ERC2: variants seen among roughly 807,000 people sequenced by gnomAD.
ERC2 encodes ELKS/RAB6-interacting/CAST family member 2.
A neutral mutation model predicts 114.8 loss-of-function variants in ERC2; 42 were observed. The ratio of observed to expected loss-of-function variants is 0.37; its 90% CI spans 0.29 to 0.47. The LOEUF (loss-of-function observed/expected upper bound fraction) is 0.47. ERC2 is among the 20% of genes least tolerant of loss of function. The pLI, the probability that ERC2 is intolerant of heterozygous loss-of-function variation, is 0.99. For missense variants in ERC2, 939 were observed against 1,150.7 expected (o/e 0.82, Z 2.66); for synonymous variants, 454 against 425.5 (o/e 1.07, Z -0.82).
At chr3:56,019,121 GA>G in intron 7 of ERC2, 90 bp from the exon 8 acceptor site, 1 of 990,260 alleles carries the variant, frequency 1.0e-6, no homozygotes, top group South Asian at 1.7e-5. Context: ...AAAAAAGAAA[GA>G]AAAAGACCTG....
At chr3:55,674,604 C>T (rs1237781565) in intron 17 of ERC2, among the ~76,000 whole-genome samples, 1 of 152,154 alleles carries the variant, frequency 6.6e-6, no homozygotes, top group South Asian at 2.1e-4. Flanking sequence ...TTATGTTTGC[C>T]CTCTGATGGA....
intron 11 of ERC2, among the ~76,000 whole-genome samples, chr3:55,988,140 T>C (rs1478532836): frequency 6.6e-6 from 1 of 152,206 alleles, no homozygotes; most frequent in African/African-American, 2.4e-5. Context: ...CTCAGAGACC[T>C]TGATGGGCAC....
chr3:56,139,822 C>A, intron 5 of ERC2, 146 bp from the exon 6 acceptor site: 1 of 862,310 alleles, frequency 1.2e-6, no homozygotes, highest in South Asian at 1.6e-5. Flanking sequence ...AAAAGATGGC[C>A]TTGGGAATCA....
intron 13 of ERC2, among the ~76,000 whole-genome samples, chr3:55,936,564 G>A (rs907775670): frequency 2.6e-5 from 4 of 152,144 alleles, no homozygotes; most frequent in Middle Eastern, 3.2e-3. Flanking sequence ...CTGAGAAAAC[G>A]ACATGGCAGC....
chr3:56,024,645 T>C (rs1301348077), intron 7 of ERC2, among the ~76,000 whole-genome samples: 2 of 152,232 alleles, frequency 1.3e-5, no homozygotes, highest in Non-Finnish European at 2.9e-5. Context: ...CAGTTTCATC[T>C]TCCATAGTGA....
chr3:55,599,545 T>G (rs1256260500), intron 17 of ERC2, among the ~76,000 whole-genome samples: 1 of 152,256 alleles, frequency 6.6e-6, no homozygotes, highest in African/African-American at 2.4e-5. Context: ...TTTGCAGATT[T>G]GAGGACTCCC....
intron 17 of ERC2, among the ~76,000 whole-genome samples, chr3:55,512,361 AAGTTAGGG>A (rs1227113851): frequency 6.6e-6 from 1 of 152,220 alleles, no homozygotes; most frequent in Non-Finnish European, 1.5e-5. Flanking sequence ...CAGAGCCAGA[AAGTTAGGG>A]AGTTCCTAGA....
At chr3:55,933,717 G>A (rs59167390) in intron 13 of ERC2, among the ~76,000 whole-genome samples, 2 of 152,172 alleles carry the variant, frequency 1.3e-5, no homozygotes, top group Admixed American at 1.3e-4. Flanking sequence ...TTCCTCCTCA[G>A]TCACCTCACT....
chr3:55,963,223 T>C (rs1006219748), intron 12 of ERC2, among the ~76,000 whole-genome samples: 6 of 152,206 alleles, frequency 3.9e-5, no homozygotes, highest in Non-Finnish European at 7.3e-5. Context: ...CTCAAGGTGA[T>C]CACCTTTTGA....
chr3:55,759,252 G>T (rs890343865), intron 14 of ERC2, among the ~76,000 whole-genome samples: 1 of 151,990 alleles, frequency 6.6e-6, no homozygotes, highest in African/African-American at 2.4e-5. Context: ...ATTTCTTCTT[G>T]TCATTTTGAA....
At chr3:55,794,239 A>G (rs929331018) in intron 14 of ERC2, among the ~76,000 whole-genome samples, 1 of 152,170 alleles carries the variant, frequency 6.6e-6, no homozygotes, top group Non-Finnish European at 1.5e-5. Context: ...GTGCCAGGAA[A>G]ATCTTTATCT....
intron 17 of ERC2, among the ~76,000 whole-genome samples, chr3:55,521,435 T>C (rs1413652890): frequency 6.6e-6 from 1 of 152,226 alleles, no homozygotes; most frequent in Non-Finnish European, 1.5e-5. Context: ...TTGCCTGTGG[T>C]GCAAAGAAAC....
chr3:55,962,227 G>A (rs1468453253), intron 12 of ERC2, among the ~76,000 whole-genome samples: 1 of 152,206 alleles, frequency 6.6e-6, no homozygotes, highest in Non-Finnish European at 1.5e-5. Flanking sequence ...GCAGACTGAT[G>A]GCTTGTTCTC....
intron 17 of ERC2, among the ~76,000 whole-genome samples, chr3:55,618,142 T>C (rs1042835341): frequency 6.6e-6 from 1 of 152,020 alleles, no homozygotes; most frequent in Non-Finnish European, 1.5e-5. Flanking sequence ...AAATTAAGCA[T>C]GTTGGTTGTT....
intron 13 of ERC2, among the ~76,000 whole-genome samples, chr3:55,901,183 TCA>T (rs1330641228): frequency 6.6e-6 from 1 of 152,226 alleles, no homozygotes; most frequent in Non-Finnish European, 1.5e-5. Flanking sequence ...AGTAGAATAG[TCA>T]TTATCTGTTT....
intron 14 of ERC2, among the ~76,000 whole-genome samples, chr3:55,746,821 G>A (rs1018956074): frequency 1.3e-4 from 20 of 152,178 alleles, no homozygotes; most frequent in Non-Finnish European, 2.9e-4. Context: ...AATCAAAGCT[G>A]TTCTCCCTTG....
At chr3:55,554,899 G>A (rs1475797080) in intron 17 of ERC2, among the ~76,000 whole-genome samples, 2 of 152,132 alleles carry the variant, frequency 1.3e-5, no homozygotes, top group African/African-American at 2.4e-5. Flanking sequence ...TAAGCTTTCA[G>A]CTTACCCCAG....
At position 56,112,223 on chromosome 3, in the gene ERC2, A is replaced by C. The variant is rs116406134; in HGVS notation, c.1473+27286T>G. ...AAAATGCTCTCTCACTCCTTAGAAA[A>C]TAAATAAAGATTTAACAGAGTGACT... On this transcript the variant is annotated intron_variant, in intron 6 of 17. Transcript: ENST00000288221. Among the ~76,000 whole-genome samples, 279 of 152,344 alleles carry C rather than the reference A, an allele frequency of 1.8e-3. 2 individuals are homozygous for C. Among genetic ancestry groups the C allele is most frequent in the Non-Finnish European group, 3.4e-3 (234 of 68,030 alleles).
intron 3 of ERC2, among the ~76,000 whole-genome samples, chr3:56,230,615 C>T (rs1200559495): frequency 6.6e-6 from 1 of 151,698 alleles, no homozygotes; most frequent in African/African-American, 2.4e-5. Context: ...CCTTAGAATT[C>T]TTGAATTCAA....
Sources: gnomAD v4.1 joint callset for allele counts (sites outside exome capture counted in the v4.1 genomes callset) on GRCh38, gnomAD v4.1.1 for gene constraint, MANE v1.5 for transcripts, NCBI Gene and HGNC (gene_info 2026-07-23, HGNC 2026-07-21) for gene names.